The following TMPRSS15 variants were observed in gnomAD, a reference collection of about 807,000 sequenced individuals.
TMPRSS15 encodes transmembrane serine protease 15.
Under a neutral mutation model 125.3 loss-of-function variants are expected in TMPRSS15, and 128 were observed. That is an observed-to-expected ratio of 1.02 (90% CI 0.89 to 1.18). The LOEUF is 1.18. Among genes scored for constraint, TMPRSS15 ranks in the 50% most tolerant of loss-of-function variants. The pLI is 0.00. For missense variants in TMPRSS15, 1,283 were observed against 1,212.7 expected, an observed-to-expected ratio of 1.06 and a Z score of -0.86; for synonymous variants, 446 against 423.2, an observed-to-expected ratio of 1.05 and a Z score of -0.66.
intron 4 of TMPRSS15, among the ~76,000 whole-genome samples, chr21:18,383,040 T>G (rs1464544251): frequency 6.6e-6 from 1 of 152,310 alleles, no homozygotes; most frequent in East Asian, 1.9e-4. Context: ...TTTCTTCTTT[T>G]TTTAGCTCCT....
intron 17 of TMPRSS15, 121 bp from the exon 18 acceptor site, chr21:18,313,198 T>G: frequency 1.3e-6 from 1 of 759,578 alleles, no homozygotes; most frequent in Non-Finnish European, 2.3e-6. Context: ...ATGAGATCTC[T>G]TGCACAGCAC....
intron 16 of TMPRSS15, among the ~76,000 whole-genome samples, chr21:18,316,240 A>G (rs1294636137): frequency 6.6e-6 from 1 of 152,096 alleles, no homozygotes; most frequent in Non-Finnish European, 1.5e-5. Flanking sequence ...GGTGGCTGAG[A>G]GGTTGTCAAC....
intron 22 of TMPRSS15, among the ~76,000 whole-genome samples, chr21:18,280,107 C>A (rs543125305): frequency 6.6e-6 from 1 of 152,130 alleles, no homozygotes; most frequent in African/African-American, 2.4e-5. Context: ...ACAGAGATGG[C>A]AGCACTTTCT....
chr21:18,326,680 T>G (rs1243997621), intron 15 of TMPRSS15, 108 bp from the exon 16 acceptor site: 2 of 1,313,876 alleles, frequency 1.5e-6, no homozygotes, highest in African/African-American at 2.9e-5. Flanking sequence ...ACATGTTACA[T>G]GGCTCGCTCA....
chr21:18,455,963 A>G (rs1421009943), intron 1 of TMPRSS15, among the ~76,000 whole-genome samples: 1 of 152,202 alleles, frequency 6.6e-6, no homozygotes, highest in Non-Finnish European at 1.5e-5. Flanking sequence ...GGCACCTTGT[A>G]GGTTACTAAG....
intron 1 of TMPRSS15, among the ~76,000 whole-genome samples, chr21:18,440,092 T>C (rs887771824): frequency 2.0e-5 from 3 of 152,076 alleles, no homozygotes; most frequent in African/African-American, 7.2e-5. Context: ...ACTGTAGTGA[T>C]GGCCGGGCGC....
At chr21:18,310,837 G>A (rs2146932156) in intron 18 of TMPRSS15, among the ~76,000 whole-genome samples, 1 of 150,898 alleles carries the variant, frequency 6.6e-6, no homozygotes, top group Admixed American at 6.6e-5. Flanking sequence ...TAGTAACCAA[G>A]ATAACTGGCA....
rs1467514193 is a variant in TMPRSS15 at position 18,424,786 on chromosome 21, AAGAACAACTAGTAAGTTATAT to A, written c.11-26478_11-26458del. On this transcript the variant is annotated intron_variant, in intron 1 of 7. Transcript: ENST00000422787. The stretch of plus-strand genomic sequence containing the variant: ...CTAGGCAAAGAGATTAGAAGAAAGC[AAGAACAACTAGTAAGTTATAT>A]GCTATTTGTTGTGTTTTCTTGATGT... Among the ~76,000 whole-genome samples the A allele has an allele frequency of 4.5e-3, 689 of 152,196 alleles. 9 individuals carry two copies. Among genetic ancestry groups the A allele is most frequent in the African/African-American group, 0.015 (614 of 41,532 alleles).
chr21:18,445,804 G>A (rs2076254508), intron 1 of TMPRSS15, among the ~76,000 whole-genome samples: 1 of 152,150 alleles, frequency 6.6e-6, no homozygotes, highest in African/African-American at 2.4e-5. Context: ...AGAAGACTAT[G>A]CCTCAAAATC....
chr21:18,344,840 A>G (rs1438255388), intron 10 of TMPRSS15, among the ~76,000 whole-genome samples: 2 of 152,242 alleles, frequency 1.3e-5, no homozygotes, highest in Admixed American at 6.5e-5. Context: ...GTAACTAAAT[A>G]TTATATAAAG....
At chr21:18,470,791 A>G (rs1978764064) in intron 1 of TMPRSS15, among the ~76,000 whole-genome samples, 1 of 152,044 alleles carries the variant, frequency 6.6e-6, no homozygotes, top group African/African-American at 2.4e-5. Flanking sequence ...AATATTCCAC[A>G]TTTCAGAAAA....
intron 19 of TMPRSS15, among the ~76,000 whole-genome samples, chr21:18,295,211 T>C (rs968292692): frequency 2.6e-5 from 4 of 152,180 alleles, no homozygotes; most frequent in Admixed American, 2.6e-4. Context: ...AAGAAGCACA[T>C]ATAAAAGAAA....
intron 24 of TMPRSS15, among the ~76,000 whole-genome samples, 192 bp from the exon 25 acceptor site, chr21:18,270,316 T>C (rs910808589): frequency 6.6e-6 from 1 of 152,202 alleles, no homozygotes; most frequent in African/African-American, 2.4e-5. Context: ...ACAGAGAAAC[T>C]ATAACAACTA....
At chr21:18,425,930 A>G (rs1416633950) in intron 1 of TMPRSS15, among the ~76,000 whole-genome samples, 1 of 152,182 alleles carries the variant, frequency 6.6e-6, no homozygotes, top group Non-Finnish European at 1.5e-5. Context: ...GAAAAACATT[A>G]ACATTGATTT....
chr21:18,281,424 C>T (rs948257006), intron 21 of TMPRSS15, among the ~76,000 whole-genome samples: 4 of 152,134 alleles, frequency 2.6e-5, no homozygotes, highest in Non-Finnish European at 2.9e-5. Context: ...GCTAATCTCT[C>T]TGTTTCACTC....
chr21:18,469,645 C>T (rs1253104351), intron 1 of TMPRSS15, among the ~76,000 whole-genome samples: 3 of 151,978 alleles, frequency 2.0e-5, no homozygotes, highest in African/African-American at 7.2e-5. Flanking sequence ...ACAAGAGCCA[C>T]ATATCATGAT....
intron 1 of TMPRSS15, among the ~76,000 whole-genome samples, chr21:18,428,826 C>T (rs1447336635): frequency 1.3e-5 from 2 of 152,180 alleles, no homozygotes; most frequent in African/African-American, 4.8e-5. Flanking sequence ...GGGGTTGGAG[C>T]ACACAGAGGC....
In TMPRSS15 at chr21:18,275,351, G is replaced by A. The variant is rs759294960; in HGVS notation, c.2765-15C>T. The A allele has an allele frequency of 2.0e-5, 33 of 1,613,408 alleles. No individual in the cohort carries two copies. Among genetic ancestry groups the A allele is most frequent in the Admixed American group, 1.2e-4 (7 of 60,004 alleles). ...TGCAGTAGTACCTGCTCAAAATGGA[G>A]AATGCAGCCAGCCAGTCAGAAGTGA... On this transcript the variant is annotated splice_polypyrimidine_tract_variant and intron_variant, in intron 23 of 24. Coordinates refer to ENST00000284885, the MANE Select transcript of TMPRSS15 (RefSeq NM_002772.3).
intron 1 of TMPRSS15, among the ~76,000 whole-genome samples, chr21:18,481,057 G>A (rs1978971455): frequency 6.6e-6 from 1 of 151,834 alleles, no homozygotes; most frequent in Admixed American, 6.6e-5. Flanking sequence ...GCAGAGTAAT[G>A]CCTGATACAA....
Sources: gnomAD v4.1 joint callset for allele counts (sites outside exome capture counted in the v4.1 genomes callset) on GRCh38, gnomAD v4.1.1 for gene constraint, MANE v1.5 for transcripts, NCBI Gene and HGNC (gene_info 2026-07-23, HGNC 2026-07-21) for gene names.